Variants in NUP98 observed in about 807,000 individuals in gnomAD.
The protein encoded by NUP98 is nucleoporin 98 and 96 precursor.
Under a neutral mutation model 191.9 loss-of-function variants are expected in NUP98, and 26 were observed. The observed-to-expected ratio is 0.14, with a 90% confidence interval of 0.10 to 0.19. The LOEUF (loss-of-function observed/expected upper bound fraction) is 0.19, where lower values mean the gene tolerates loss of function less well. Ranked by LOEUF, NUP98 falls within the 10% of genes least tolerant of loss-of-function variation. NUP98 has a pLI of 1.00. For missense variants in NUP98, 1,941 were observed against 2,178.8 expected (o/e 0.89, Z 2.17); for synonymous variants, 808 against 778.4 (o/e 1.04, Z -0.63).
chr11:3,702,285 A>ACC (rs2078709053), intron 23 of NUP98, among the ~76,000 whole-genome samples, 178 bp downstream of exon 23: 1 of 43,200 alleles, frequency 2.3e-5, no homozygotes, highest in Non-Finnish European at 4.5e-5. Flanking sequence ...ACTGAGACAC[A>ACC]CACACACACA....
intron 13 of NUP98, among the ~76,000 whole-genome samples, chr11:3,733,664 C>T (rs1245870899): frequency 2.0e-5 from 3 of 152,162 alleles, no homozygotes; most frequent in African/African-American, 7.2e-5. Flanking sequence ...TAGCATGTAT[C>T]AGTACTTTAC....
intron 8 of NUP98, among the ~76,000 whole-genome samples, chr11:3,765,491 T>G (rs1242414489): frequency 1.3e-5 from 2 of 152,218 alleles, no homozygotes; most frequent in African/African-American, 4.8e-5. Flanking sequence ...ATTTTAGGTC[T>G]TGCACTTAGA....
intron 16 of NUP98, 169 bp from the exon 17 acceptor site, chr11:3,720,994 G>GTGTA: frequency 2.1e-6 from 1 of 481,238 alleles, no homozygotes; most frequent in Non-Finnish European, 3.7e-6. Flanking sequence ...GTGTGTGTGT[G>GTGTA]TGTGTGTGTG....
chr11:3,749,622 CTAAA>C (rs539925165), intron 11 of NUP98, among the ~76,000 whole-genome samples: 2 of 151,652 alleles, frequency 1.3e-5, no homozygotes, highest in South Asian at 4.1e-4. Flanking sequence ...AACTCGGTCT[CTAAA>C]TAAATAAATA....
intron 26 of NUP98, 34 bp downstream of exon 26, chr11:3,695,415 C>A: frequency 6.8e-7 from 1 of 1,479,416 alleles, no homozygotes; most frequent in South Asian, 1.4e-5. Context: ...ATGAAAAAAC[C>A]AATGTGAGAT....
chr11:3,796,846 A>C (rs1390921523), intron 1 of NUP98, among the ~76,000 whole-genome samples: 1 of 152,188 alleles, frequency 6.6e-6, no homozygotes, highest in Non-Finnish European at 1.5e-5. Context: ...CTGTCTCCTC[A>C]TCTGGCTTTA....
In NUP98 at chr11:3,768,764, AAAAAG is replaced by A; in HGVS notation, c.785-25_785-21del. The A allele has an allele frequency of 2.1e-6, 3 of 1,433,734 alleles. No individual in the cohort carries two copies. The highest frequency in any genetic ancestry group is 2.7e-6 in the Non-Finnish European group (3 of 1,098,378). The allele number at this position is 1,433,734 out of a possible 1,614,324, so 88.8% of individuals were successfully genotyped here. A position where few individuals can be genotyped will look rare whatever the true frequency, so the allele number is the denominator to read the frequency against. On this transcript the variant is annotated intron_variant, in intron 7 of 32. Coordinates refer to ENST00000324932, the MANE Select transcript of NUP98 (RefSeq NM_016320.5). ...TTGTACCTTTTAGGAAAAAGAAAAA[AAAAAG>A]AAAAAAGAAATAATAAAAAAAATGT...
intron 28 of NUP98, among the ~76,000 whole-genome samples, chr11:3,688,647 T>C (rs2078203552): frequency 6.7e-6 from 1 of 150,012 alleles, no homozygotes; most frequent in African/African-American, 2.4e-5. Context: ...ATACAAAAAT[T>C]AGCTGGGCTT....
intron 1 of NUP98, among the ~76,000 whole-genome samples, chr11:3,791,955 G>A (rs187354649): frequency 3.3e-5 from 5 of 150,616 alleles, no homozygotes; most frequent in African/African-American, 7.3e-5. Context: ...GGAGGTGAGC[G>A]GATCACGAGG....
At chr11:3,772,564 T>C (rs2081564050) in intron 6 of NUP98, among the ~76,000 whole-genome samples, 1 of 152,150 alleles carries the variant, frequency 6.6e-6, no homozygotes, top group Non-Finnish European at 1.5e-5. Context: ...ATGCCTGTAA[T>C]CCCAGCACTT....
intron 4 of NUP98, among the ~76,000 whole-genome samples, chr11:3,776,524 C>T (rs555289784): frequency 6.6e-6 from 1 of 150,664 alleles, no homozygotes; most frequent in African/African-American, 2.4e-5. Flanking sequence ...CGCTGTGTAG[C>T]CCAGGCTGGA....
intron 1 of NUP98, among the ~76,000 whole-genome samples, chr11:3,792,205 A>C (rs1008575401): frequency 4.1e-5 from 6 of 144,756 alleles, no homozygotes; most frequent in South Asian, 2.2e-4. Flanking sequence ...AAAAAAAAAA[A>C]AAAACATGTA....
chr11:3,737,736 G>A (rs75407561), intron 12 of NUP98, among the ~76,000 whole-genome samples: 2,103 of 152,092 alleles, frequency 0.014, 44 homozygotes, highest in African/African-American at 0.049. Flanking sequence ...CTAAAACACC[G>A]TACATTCATG....
intron 13 of NUP98, among the ~76,000 whole-genome samples, chr11:3,734,415 T>C (rs2079968806): frequency 6.6e-6 from 1 of 152,196 alleles, no homozygotes. Flanking sequence ...GACTGAATAG[T>C]AGTTTCTGTA....
At chr11:3,705,560 T>C (rs1042298653) in intron 21 of NUP98, among the ~76,000 whole-genome samples, 1 of 152,228 alleles carries the variant, frequency 6.6e-6, no homozygotes, top group Admixed American at 6.5e-5. Flanking sequence ...TCTTTGTATC[T>C]ATAGCGTCTC....
At chr11:3,787,611 G>A (rs1252624606) in intron 1 of NUP98, among the ~76,000 whole-genome samples, 3 of 151,814 alleles carry the variant, frequency 2.0e-5, no homozygotes, top group Non-Finnish European at 2.9e-5. Flanking sequence ...TCTAAAAATC[G>A]TATCTCCTTT....
chr11:3,691,007 G>GT (rs2078294918), intron 28 of NUP98, among the ~76,000 whole-genome samples: 1 of 152,054 alleles, frequency 6.6e-6, no homozygotes, highest in Admixed American at 6.5e-5. Context: ...TAGTCAATAG[G>GT]TATCTGACTG....
chr11:3,765,235 G>C (rs766750989), intron 8 of NUP98, among the ~76,000 whole-genome samples: 10 of 152,104 alleles, frequency 6.6e-5, no homozygotes, highest in Non-Finnish European at 7.4e-5. Context: ...TGTCGCTCAG[G>C]CTAGAGTGCA....
In NUP98 at chr11:3,757,527, G is replaced by A. The variant is rs1229928389; in HGVS notation, c.1174+3012C>T. 2.0e-5 allele frequency among the ~76,000 whole-genome samples: 3 copies of A among 150,352 alleles called. No individual in the cohort carries two copies. The East Asian group carries it at 6.0e-4, about 30-fold the overall frequency. The stretch of plus-strand genomic sequence containing the variant: ...AAAACAAAACAAAAATGCCGAGCGT[G>A]GTGGTTCACACCTGTAATCCCAGCA... On this transcript the variant is annotated intron_variant, in intron 10 of 32. Transcript: ENST00000324932.
Sources: allele counts gnomAD v4.1 joint callset (sites outside exome capture counted in the v4.1 genomes callset), GRCh38; gene constraint gnomAD v4.1.1; transcripts MANE v1.5; gene names NCBI Gene and HGNC (gene_info 2026-07-23, HGNC 2026-07-21).